RREB1: variants seen among roughly 807,000 people sequenced by gnomAD.
The protein encoded by RREB1 is ras-responsive element-binding protein 1.
In RREB1, 27 loss-of-function variants were observed where a neutral mutation model predicts 117.8. That is an observed-to-expected ratio of 0.23 (90% confidence interval 0.17 to 0.32). The LOEUF (loss-of-function observed/expected upper bound fraction) is 0.32, where lower values mean the gene tolerates loss of function less well. Ranked by LOEUF, RREB1 falls within the 10% of genes least tolerant of loss-of-function variation. RREB1 has a pLI of 1.00. For missense variants in RREB1, 2,577 were observed against 2,378.2 expected (o/e 1.08, Z -1.74); for synonymous variants, 1,298 against 1,026.7 (o/e 1.26, Z -5.05).
At chr6:7,193,904 C>G (rs1187743368) in intron 6 of RREB1, among the ~76,000 whole-genome samples, 2 of 152,176 alleles carry the variant, frequency 1.3e-5, no homozygotes, top group Non-Finnish European at 2.9e-5. Context: ...GACGCACAGA[C>G]TGTATGTGAG....
intron 1 of RREB1, among the ~76,000 whole-genome samples, chr6:7,113,253 A>T (rs1181483933): frequency 6.6e-6 from 1 of 152,238 alleles, no homozygotes; most frequent in Non-Finnish European, 1.5e-5. Flanking sequence ...TCAGACAGCC[A>T]GAGTGAAGAG....
intron 6 of RREB1, among the ~76,000 whole-genome samples, chr6:7,207,773 C>A (rs116400881): frequency 2.3e-3 from 345 of 152,262 alleles, no homozygotes; most frequent in African/African-American, 7.7e-3. Context: ...GAAAAGAGAA[C>A]GCATTACAGA....
chr6:7,165,641 T>A (rs897886407), intron 1 of RREB1, among the ~76,000 whole-genome samples: 2 of 152,226 alleles, frequency 1.3e-5, no homozygotes, highest in Non-Finnish European at 2.9e-5. Flanking sequence ...CCTGTTAAGG[T>A]GTGTCTGACC....
intron 1 of RREB1, among the ~76,000 whole-genome samples, chr6:7,162,995 A>G (rs946583162): frequency 2.6e-5 from 4 of 151,984 alleles, no homozygotes; most frequent in Admixed American, 1.3e-4. Context: ...GACTACAGGT[A>G]CCCACCACCA....
chr6:7,161,570 G>C (rs1335874233), intron 1 of RREB1, among the ~76,000 whole-genome samples: 1 of 152,106 alleles, frequency 6.6e-6, no homozygotes, highest in Non-Finnish European at 1.5e-5. Context: ...CCTGTGCCTG[G>C]GATCCCCCAT....
At chr6:7,234,152 C>T (rs567042312) in intron 10 of RREB1, among the ~76,000 whole-genome samples, 21 of 152,292 alleles carry the variant, frequency 1.4e-4, no homozygotes, top group Non-Finnish European at 2.5e-4. Flanking sequence ...ACAAGTAAAG[C>T]AACCATTCTA....
At chr6:7,184,579 C>T (rs1043859296) in intron 4 of RREB1, 4 of 151,916 alleles carry the variant, frequency 2.6e-5, no homozygotes, top group African/African-American at 9.7e-5. Context: ...TAAAAGATTA[C>T]ATCTGGGTCT....
intron 4 of RREB1, among the ~76,000 whole-genome samples, chr6:7,187,208 C>T (rs1765128310): frequency 6.6e-6 from 1 of 152,156 alleles, no homozygotes; most frequent in Non-Finnish European, 1.5e-5. Flanking sequence ...GTAATTTAAC[C>T]TGCATCACAG....
At chr6:7,213,287 C>T (rs2113624861) in intron 8 of RREB1, 1 of 152,310 alleles carries the variant, frequency 6.6e-6, no homozygotes, top group Middle Eastern at 3.4e-3. Context: ...GCCTCAGCCT[C>T]CCGAGTAGCT....
intron 1 of RREB1, among the ~76,000 whole-genome samples, chr6:7,162,302 G>T (rs1763711772): frequency 6.6e-6 from 1 of 151,706 alleles, no homozygotes; most frequent in Non-Finnish European, 1.5e-5. Context: ...ATTCAGCATT[G>T]TGAGAAACTC....
intron 10 of RREB1, among the ~76,000 whole-genome samples, chr6:7,234,092 T>G (rs1177611195): frequency 6.6e-6 from 1 of 152,226 alleles, no homozygotes; most frequent in Non-Finnish European, 1.5e-5. Context: ...TTGTAAAGTA[T>G]GTACTGCCCT....
At chr6:7,145,805 C>T (rs974833608) in intron 1 of RREB1, among the ~76,000 whole-genome samples, 6 of 151,292 alleles carry the variant, frequency 4.0e-5, no homozygotes, top group East Asian at 1.9e-4. Context: ...TAATGGGCCC[C>T]GTCTTTTTCT....
chr6:7,209,522 G>T (rs535265864), intron 6 of RREB1, among the ~76,000 whole-genome samples: 30 of 150,942 alleles, frequency 2.0e-4, no homozygotes, highest in Admixed American at 1.4e-3. Context: ...AGGAGGCCAA[G>T]AACTAAATAA....
chr6:7,119,948 C>G (rs866565616), intron 1 of RREB1, among the ~76,000 whole-genome samples: 2 of 151,704 alleles, frequency 1.3e-5, no homozygotes, highest in African/African-American at 2.4e-5. Context: ...GAGGAAGGGT[C>G]GTGGAAGGGA....
In RREB1 at chr6:7,226,493, G is replaced by A. The variant is rs756727007; in HGVS notation, c.734G>A (p.Arg245Gln). 3 of 1,612,726 alleles carry A rather than the reference G, an allele frequency of 1.9e-6. No individual in the cohort carries two copies. Among genetic ancestry groups the A allele is most frequent in the South Asian group, 1.1e-5 (1 of 90,856 alleles). ...TGTGACATTTGTTGTGTCACCTTTC[G>A]AACACATCGAGGACTGCTGCGTCAC... Reference protein sequence around the residue: ...LRCDICCVTFRTHRGLLRHNA... With the variant: ...LRCDICCVTFQTHRGLLRHNA... The change falls in exon 9 of 13, where the codon CGA (arginine) becomes CAA (glutamine). Residue 245 changes from arginine to glutamine, a missense_variant. Transcript: ENST00000379938.
chr6:7,187,585 A>G (rs1374115991), intron 5 of RREB1, 62 bp downstream of exon 5: 1 of 908,856 alleles, frequency 1.1e-6, no homozygotes, highest in Non-Finnish European at 1.5e-6. Flanking sequence ...ATTTTATTTT[A>G]TTTTAGTCAA....
intron 1 of RREB1, among the ~76,000 whole-genome samples, chr6:7,122,646 TG>T (rs1761728330): frequency 6.6e-6 from 1 of 152,228 alleles, no homozygotes; most frequent in Non-Finnish European, 1.5e-5. Context: ...TTTTTCTGAT[TG>T]GAATAGCTTG....
chr6:7,173,783 GAA>G (rs1232579440), intron 1 of RREB1, among the ~76,000 whole-genome samples: 1 of 139,882 alleles, frequency 7.1e-6, no homozygotes, highest in Non-Finnish European at 1.6e-5. Context: ...CTTGGCGACA[GAA>G]AAAAAAAAAG....
At chr6:7,247,605 G>A (rs1769166418) in intron 12 of RREB1, among the ~76,000 whole-genome samples, 1 of 152,198 alleles carries the variant, frequency 6.6e-6, no homozygotes, top group African/African-American at 2.4e-5. Flanking sequence ...CCTGTGGCCT[G>A]GACGACAGGC....
Sources: gnomAD v4.1 joint callset for allele counts (sites outside exome capture counted in the v4.1 genomes callset) on GRCh38, gnomAD v4.1.1 for gene constraint, MANE v1.5 for transcripts, NCBI Gene and HGNC (gene_info 2026-07-23, HGNC 2026-07-21) for gene names.